LAMA2: variants seen among roughly 807,000 people sequenced by gnomAD.
The protein encoded by LAMA2 is laminin subunit alpha 2, also known as laminin subunit alpha-2.
Under a neutral mutation model 364.8 loss-of-function variants are expected in LAMA2, and 269 were observed. The observed-to-expected ratio is 0.74, with a 90% CI of 0.67 to 0.82. LAMA2 has a LOEUF of 0.82. LAMA2 is among the 40% of genes least tolerant of loss of function. The pLI, the probability that LAMA2 is intolerant of heterozygous loss-of-function variation, is 0.00. For missense variants in LAMA2, 3,807 were observed against 3,873.2 expected (o/e 0.98, Z 0.45); for synonymous variants, 1,379 against 1,370.6 (o/e 1.01, Z -0.14).
At position 128,883,143 on chromosome 6, in the gene LAMA2, C is replaced by T. The variant is rs886061036; in HGVS notation, c.-103C>T. 7.6e-6 allele frequency: 9 copies of T among 1,182,664 alleles called. No homozygotes were observed. The highest frequency in any genetic ancestry group is 1.1e-5 in the Non-Finnish European group (9 of 828,596). 73.3% of individuals were successfully genotyped at this position (1,182,664 alleles called of 1,614,324 possible). The stretch of plus-strand genomic sequence containing the variant: ...CCAGAGGGGGCTGTCTCCTCCTCTT[C>T]CCCAGCAGCTGCTGCTCGCTCAGCT... On this transcript the variant is annotated 5_prime_UTR_variant, in exon 1 of 65. Coordinates refer to ENST00000421865, the MANE Select transcript of LAMA2 (RefSeq NM_000426.4).
intron 1 of LAMA2, among the ~76,000 whole-genome samples, chr6:128,893,219 A>T (rs1776567925): frequency 6.6e-6 from 1 of 151,864 alleles, no homozygotes; most frequent in Admixed American, 6.6e-5. Flanking sequence ...AATCTATTTC[A>T]TGGGGTTGTT....
chr6:129,097,375 C>A (rs1261946939), intron 3 of LAMA2, among the ~76,000 whole-genome samples: 5 of 152,184 alleles, frequency 3.3e-5, no homozygotes, highest in Non-Finnish European at 7.3e-5. Context: ...CACAAAACAT[C>A]TAGAATATTT....
At chr6:129,507,370 C>A in intron 61 of LAMA2, 119 bp from the exon 62 acceptor site, 3 of 1,062,480 alleles carry the variant, frequency 2.8e-6, no homozygotes, top group Non-Finnish European at 4.3e-6. Context: ...TGGGGGATAT[C>A]CCATCCTAAG....
intron 49 of LAMA2, among the ~76,000 whole-genome samples, chr6:129,463,647 A>G (rs1337179386): frequency 3.3e-5 from 5 of 152,066 alleles, no homozygotes; most frequent in African/African-American, 4.8e-5. Flanking sequence ...GATTAAACAT[A>G]TATTCTCTGT....
At chr6:129,251,066 CTCTCTCTCTCTATATATATA>C (rs1278861735) in intron 13 of LAMA2, among the ~76,000 whole-genome samples, 183 of 68,112 alleles carry the variant, frequency 2.7e-3, no homozygotes, top group East Asian at 0.026. Flanking sequence ...CTCTCTCTCT[CTCTCTCTCTCTATATATATA>C]TATATATATA....
rs777476613 is a variant in LAMA2, at chr6:129,440,910, G to A, written c.6180G>A (p.Gln2060=). The change falls in exon 43 of 65, where the codon CAG becomes CAA. Residue 2060 remains glutamine, a synonymous_variant. Transcript: ENST00000421865. The stretch of plus-strand genomic sequence containing the variant: ...TGGCACAGATTACAGAGCTCCACCA[G>A]AACCTCGATGGCCTGAAGAAGAATT... ...DVLAQITELH[Q]NLDGLKKNYN... is the part of the protein sequence containing the mutation. 8 of 1,613,918 alleles carry A rather than the reference G, an allele frequency of 5.0e-6. No individual in the cohort carries two copies. Among genetic ancestry groups the A allele is most frequent in the Non-Finnish European group, 6.8e-6 (8 of 1,179,872 alleles).
chr6:128,949,192 G>A (rs977596879), intron 1 of LAMA2, among the ~76,000 whole-genome samples: 5 of 152,170 alleles, frequency 3.3e-5, no homozygotes, highest in African/African-American at 9.7e-5. Context: ...TCAAGGACAC[G>A]CTCATCCTCA....
At position 129,514,508 on chromosome 6, in the gene LAMA2, G is replaced by A. The variant is rs765232205; in HGVS notation, c.9124G>A (p.Asp3042Asn). 23 of 1,614,142 alleles carry A rather than the reference G, an allele frequency of 1.4e-5. No homozygotes were observed. Among genetic ancestry groups the A allele is most frequent in the Non-Finnish European group, 1.9e-5 (22 of 1,180,018 alleles). ...KIKHRIELTV[D>N]GNQVEAQSPN... is the part of the protein sequence containing the mutation. The stretch of plus-strand genomic sequence containing the variant: ...CAAACACCGCATTGAGCTCACAGTC[G>A]ATGGGAACCAGGTGGAAGCCCAAAG... The change falls in exon 64 of 65, where the codon GAT (aspartate) becomes AAT (asparagine). Residue 3042 changes from aspartate (D) to asparagine (N), a missense_variant. Transcript: ENST00000421865.
chr6:129,048,117 A>G (rs2114769105), intron 1 of LAMA2, among the ~76,000 whole-genome samples: 1 of 152,336 alleles, frequency 6.6e-6, no homozygotes, highest in South Asian at 2.1e-4. Flanking sequence ...TCATTGTAGG[A>G]ACAGTGTCTG....
At chr6:129,239,566 G>A (rs1446548484) in intron 12 of LAMA2, among the ~76,000 whole-genome samples, 1 of 152,160 alleles carries the variant, frequency 6.6e-6, no homozygotes, top group Non-Finnish European at 1.5e-5. Flanking sequence ...CAATGTCTCA[G>A]CAGATATAGG....
intron 15 of LAMA2, among the ~76,000 whole-genome samples, chr6:129,264,398 G>T (rs1466850774): frequency 6.6e-6 from 1 of 151,268 alleles, no homozygotes; most frequent in Non-Finnish European, 1.5e-5. Flanking sequence ...GGGGGTGGGG[G>T]CATGGAATCC....
At chr6:128,886,420 A>G (rs953420010) in intron 1 of LAMA2, among the ~76,000 whole-genome samples, 2 of 152,200 alleles carry the variant, frequency 1.3e-5, no homozygotes, top group Non-Finnish European at 2.9e-5. Flanking sequence ...ATGAACATAT[A>G]GTGTAATATG....
At chr6:129,300,498 T>G (rs1351544769) in intron 21 of LAMA2, among the ~76,000 whole-genome samples, 2 of 152,156 alleles carry the variant, frequency 1.3e-5, no homozygotes, top group Non-Finnish European at 2.9e-5. Flanking sequence ...AAGCTAAAAA[T>G]ACTTTAACTT....
intron 29 of LAMA2, among the ~76,000 whole-genome samples, chr6:129,331,156 G>A (rs772176476): frequency 6.6e-6 from 1 of 152,080 alleles, no homozygotes; most frequent in Admixed American, 6.5e-5. Flanking sequence ...GACTACAGGC[G>A]TAAGCCACTG....
rs1365231544 is a variant in LAMA2 at position 129,370,632 on chromosome 6, C to T, written c.4959+642C>T. On this transcript the variant is annotated intron_variant, in intron 34 of 64. Transcript: ENST00000421865. ...CCAGAAATATGCATGAAGCTAGAAACGGGGCTGCAAAGTACGGATTTAATT... is the reference window on the plus strand; with the variant it reads ...CCAGAAATATGCATGAAGCTAGAAATGGGGCTGCAAAGTACGGATTTAATT... Among the ~76,000 whole-genome samples, 3 of 152,156 alleles carry T rather than the reference C, an allele frequency of 2.0e-5. No homozygotes were observed. The East Asian group carries it at 5.8e-4, about 29-fold the overall frequency.
At chr6:129,469,288 A>G (rs1783694386) in intron 51 of LAMA2, among the ~76,000 whole-genome samples, 2 of 151,962 alleles carry the variant, frequency 1.3e-5, no homozygotes, top group African/African-American at 4.8e-5. Context: ...ACTGAAGACA[A>G]AGCGAACAAT....
intron 61 of LAMA2, 95 bp from the exon 62 acceptor site, chr6:129,507,394 T>TAC: frequency 1.5e-6 from 2 of 1,318,070 alleles, no homozygotes; most frequent in Non-Finnish European, 2.2e-6. Context: ...ACTGGATAAC[T>TAC]ACACACATAG....
chr6:129,290,442 T>C (rs1207558690), intron 19 of LAMA2, among the ~76,000 whole-genome samples: 2 of 152,192 alleles, frequency 1.3e-5, no homozygotes, highest in Non-Finnish European at 1.5e-5. Flanking sequence ...TGCTGGAAGA[T>C]AAATTAAGCA....
At chr6:129,477,763 CTAAAT>C (rs1299664389) in intron 53 of LAMA2, among the ~76,000 whole-genome samples, 1 of 152,084 alleles carries the variant, frequency 6.6e-6, no homozygotes, top group African/African-American at 2.4e-5. Context: ...AATCTGTAAA[CTAAAT>C]TAATCTGTTA....
Sources: allele counts gnomAD v4.1 joint callset (sites outside exome capture counted in the v4.1 genomes callset), GRCh38; gene constraint gnomAD v4.1.1; transcripts MANE v1.5; gene names NCBI Gene and HGNC (gene_info 2026-07-23, HGNC 2026-07-21).